The following BCO2 variants were observed in gnomAD, a reference collection of about 807,000 sequenced individuals.
BCO2 encodes beta-carotene oxygenase 2.
Under a neutral mutation model 65.8 loss-of-function variants are expected in BCO2, and 56 were observed. The ratio of observed to expected loss-of-function variants is 0.85; its 90% CI spans 0.69 to 1.06. BCO2 has a LOEUF of 1.06. BCO2 is among the 50% of genes least tolerant of loss of function. The pLI, the probability that BCO2 is intolerant of heterozygous loss-of-function variation, is 0.00. For missense variants in BCO2, 675 were observed against 698.5 expected (o/e 0.97, Z 0.38); for synonymous variants, 233 against 242.3 (o/e 0.96, Z 0.36).
intron 7 of BCO2, 55 bp from the exon 8 acceptor site, chr11:112,201,956 CTAAAGGAAAGGG>C: frequency 7.1e-7 from 1 of 1,409,792 alleles, no homozygotes; most frequent in Non-Finnish European, 9.4e-7. Flanking sequence ...GACCTGTTTC[CTAAAGGAAAGGG>C]AAAAAGAAGA....
intron 9 of BCO2, 152 bp from the exon 10 acceptor site, chr11:112,214,610 T>C (rs1168988802): frequency 1.1e-5 from 7 of 615,846 alleles, no homozygotes; most frequent in African/African-American, 9.2e-5. Flanking sequence ...ACACATATGA[T>C]GGAAAGAGGA....
chr11:112,177,459 T>C (rs948301455), intron 1 of BCO2, among the ~76,000 whole-genome samples: 2 of 152,238 alleles, frequency 1.3e-5, no homozygotes, highest in East Asian at 3.8e-4. Flanking sequence ...AAACACAGTG[T>C]CAGTGATCTG....
chr11:112,185,701 C>T (rs1032298470), intron 2 of BCO2, among the ~76,000 whole-genome samples: 7 of 151,970 alleles, frequency 4.6e-5, no homozygotes, highest in Non-Finnish European at 7.4e-5. Context: ...CAAGTCTGAA[C>T]GATCATTATT....
chr11:112,177,641 G>A (rs1466141103), intron 1 of BCO2, among the ~76,000 whole-genome samples: 5 of 152,128 alleles, frequency 3.3e-5, no homozygotes, highest in African/African-American at 1.2e-4. Flanking sequence ...TGTTCTAAAA[G>A]CTTTACATAA....
At chr11:112,216,182 A>T in intron 10 of BCO2, 38 bp from the exon 11 acceptor site, 1 of 1,408,052 alleles carries the variant, frequency 7.1e-7, no homozygotes, top group Non-Finnish European at 1.0e-6. Flanking sequence ...CCTACTTACT[A>T]CTTGCCTTTT....
intron 8 of BCO2, among the ~76,000 whole-genome samples, chr11:112,212,110 A>G (rs904305451): frequency 6.6e-6 from 1 of 152,242 alleles, no homozygotes; most frequent in African/African-American, 2.4e-5. Context: ...CACTAAAAAT[A>G]TTTCTGCATG....
intron 8 of BCO2, among the ~76,000 whole-genome samples, chr11:112,212,788 G>T (rs978992394): frequency 1.3e-5 from 2 of 152,192 alleles, no homozygotes; most frequent in African/African-American, 4.8e-5. Context: ...TGATGTTCCA[G>T]ATCCTCAAGG....
chr11:112,182,739 A>G, intron 2 of BCO2: 1 of 540,898 alleles, frequency 1.8e-6, no homozygotes, highest in South Asian at 2.5e-5. Flanking sequence ...GAATTAGGAG[A>G]TATACCTAAT....
intron 2 of BCO2, among the ~76,000 whole-genome samples, chr11:112,187,495 T>C (rs902762772): frequency 1.6e-4 from 24 of 151,120 alleles, no homozygotes; most frequent in Non-Finnish European, 3.1e-4. Flanking sequence ...TCTTTCCATC[T>C]TCTCACAGGG....
At chr11:112,199,625 T>G in intron 5 of BCO2, 74 bp from the exon 6 acceptor site, 1 of 1,408,196 alleles carries the variant, frequency 7.1e-7, no homozygotes, top group Non-Finnish European at 9.8e-7. Context: ...TTTTGGCAAG[T>G]CCACAAGTGC....
At chr11:112,196,289 G>C (rs1038991279) in intron 5 of BCO2, among the ~76,000 whole-genome samples, 5 of 151,826 alleles carry the variant, frequency 3.3e-5, no homozygotes, top group Admixed American at 3.3e-4. Context: ...ATTTGGTTCA[G>C]TGAGAAGTTT....
rs763194285 is a variant in BCO2 at position 112,179,391 on chromosome 11, A to G, written c.202A>G (p.Ile68Val). 6.2e-7 allele frequency: 1 copy of G among 1,614,196 alleles called. No homozygotes were observed. The highest frequency in any genetic ancestry group is 8.5e-7 in the Non-Finnish European group (1 of 1,180,032). ...LTTVEEAPRG[I>V]SARVWGHFPK... ...CACAGTGGAAGAGGCTCCACGGGGCATCTCTGCTCGAGTCTGGGGACATTT... is the reference window on the plus strand; with the variant it reads ...CACAGTGGAAGAGGCTCCACGGGGCGTCTCTGCTCGAGTCTGGGGACATTT... The change falls in exon 2 of 12, where the codon ATC becomes GTC. Residue 68 changes from isoleucine to valine, a missense_variant. Transcript: ENST00000357685.
At chr11:112,204,761 C>G (rs1867825213) in intron 8 of BCO2, among the ~76,000 whole-genome samples, 1 of 152,154 alleles carries the variant, frequency 6.6e-6, no homozygotes, top group Non-Finnish European at 1.5e-5. Context: ...CAACCTCCGC[C>G]TCCTCAGTTC....
rs1202410600 is a variant in BCO2, at chr11:112,201,954, T to G, written c.1027-69T>G. 7.9e-6 allele frequency: 11 copies of G among 1,394,512 alleles called. No homozygotes were observed. The East Asian group carries it at 2.4e-4, about 31-fold the overall frequency. 86.4% of individuals were successfully genotyped at this position (1,394,512 alleles called of 1,614,324 possible). ...TTATTTTGAACTTTTTGGACCTGTT[T>G]CCTAAAGGAAAGGGAAAAAGAAGAA... On this transcript the variant is annotated intron_variant, in intron 7 of 11. Transcript: ENST00000357685.
chr11:112,213,927 G>T, intron 9 of BCO2, 66 bp downstream of exon 9: 1 of 1,059,328 alleles, frequency 9.4e-7, no homozygotes, highest in Non-Finnish European at 1.3e-6. Flanking sequence ...TTCTTTAGCT[G>T]TTTTCCAAAA....
At chr11:112,194,782 G>A (rs1867521091) in intron 5 of BCO2, 27 bp downstream of exon 5, 1 of 1,462,720 alleles carries the variant, frequency 6.8e-7, no homozygotes, top group Non-Finnish European at 9.5e-7. Context: ...GGTCTTTTTA[G>A]AAATAATTGA....
intron 11 of BCO2, among the ~76,000 whole-genome samples, chr11:112,217,496 G>C (rs1859713461): frequency 6.6e-6 from 1 of 152,172 alleles, no homozygotes. Context: ...TGAGTAGCTG[G>C]TACTACAGGT....
intron 5 of BCO2, among the ~76,000 whole-genome samples, chr11:112,196,362 G>A (rs2135373935): frequency 6.6e-6 from 1 of 152,128 alleles, no homozygotes; most frequent in Non-Finnish European, 1.5e-5. Flanking sequence ...GACATTTGGG[G>A]GAAACTTAGT....
In BCO2 at chr11:112,216,158, G is replaced by A. The variant is rs1859670052; in HGVS notation, c.1516-62G>A. 3 of 1,097,562 alleles carry A rather than the reference G, an allele frequency of 2.7e-6. No homozygotes were observed. The Admixed American group carries it at 5.2e-5, about 19-fold the overall frequency. The allele number at this position is 1,097,562 out of a possible 1,614,324, so 68.0% of individuals were successfully genotyped here. A position where few individuals can be genotyped will look rare whatever the true frequency, so the allele number is the denominator to read the frequency against. On this transcript the variant is annotated intron_variant, in intron 10 of 11. Coordinates refer to ENST00000357685, the MANE Select transcript of BCO2 (RefSeq NM_031938.7). ...CAAATTCATGCTTGGAGTGACAAAA[G>A]CCATAGAAAGCTCCCTACTTACTAC...
Sources: gnomAD v4.1 joint callset for allele counts (sites outside exome capture counted in the v4.1 genomes callset) on GRCh38, gnomAD v4.1.1 for gene constraint, MANE v1.5 for transcripts, NCBI Gene and HGNC (gene_info 2026-07-23, HGNC 2026-07-21) for gene names.